The following SIRT3 variants were observed in gnomAD, a reference collection of about 807,000 sequenced individuals.
The protein encoded by SIRT3 is sirtuin 3.
In SIRT3, 26 loss-of-function variants were observed where a neutral mutation model predicts 33.5. The observed-to-expected ratio is 0.78, with a 90% CI of 0.57 to 1.08. The LOEUF (loss-of-function observed/expected upper bound fraction) is 1.08, where lower values mean the gene tolerates loss of function less well. Among genes scored for constraint, SIRT3 ranks in the 50% least tolerant of loss-of-function variants. The pLI is 0.00. For synonymous variants in SIRT3, 237 were observed against 222.1 expected (o/e 1.07, Z -0.60); for missense variants, 585 against 530.1 (o/e 1.10, Z -1.02).
chr11:224,634 A>G (rs184134900), intron 4 of SIRT3, among the ~76,000 whole-genome samples: 2 of 152,286 alleles, frequency 1.3e-5, no homozygotes, highest in Admixed American at 6.5e-5. Context: ...TACACCGAAC[A>G]CTATTCAGTC....
intron 4 of SIRT3, among the ~76,000 whole-genome samples, chr11:229,261 C>T (rs561809818): frequency 6.9e-6 from 1 of 144,186 alleles, no homozygotes; most frequent in Admixed American, 7.2e-5. Flanking sequence ...GACATCCTGG[C>T]CAACATGGTG....
At chr11:224,337 CA>C (rs1425878072) in intron 4 of SIRT3, 98 bp from the exon 5 acceptor site, 8 of 1,321,742 alleles carry the variant, frequency 6.1e-6, no homozygotes, top group Admixed American at 2.5e-5. Flanking sequence ...CATTCTCCCC[CA>C]AAAAAGGTGA....
upstream of SIRT3, chr11:236,392 G>T: frequency 3.5e-5 from 5 of 144,788 alleles, no homozygotes; most frequent in Non-Finnish European, 3.3e-5. Context: ...CCCCGCCTCC[G>T]CCTCCCACCC....
intron 5 of SIRT3, among the ~76,000 whole-genome samples, chr11:221,760 A>G (rs915563599): frequency 2.0e-5 from 3 of 152,234 alleles, no homozygotes; most frequent in Non-Finnish European, 4.4e-5. Context: ...CGTGTAAGGG[A>G]AACTGTTGGC....
chr11:219,012 G>A lies in SIRT3; in HGVS notation c.999C>T (p.Ala333=), dbSNP rs376721867. 48 of 1,613,692 alleles carry A rather than the reference G, an allele frequency of 3.0e-5. No homozygotes were observed. Among genetic ancestry groups the A allele is most frequent in the Middle Eastern group, 3.4e-4 (2 of 5,950 alleles). The change falls in exon 6 of 7, where the codon GCC becomes GCT. Residue 333 remains alanine, a synonymous_variant. Transcript: ENST00000382743. ...GCAGTCGGGGAACTGAGCTCCGCACGGCCTCGGTCAAGCTGGCAAAAGGCT... is the reference window on the plus strand; with the variant it reads ...GCAGTCGGGGAACTGAGCTCCGCACAGCCTCGGTCAAGCTGGCAAAAGGCT... ...EVEPFASLTE[A]VRSSVPRLLI...
chr11:220,941 T>A (rs1419510835), intron 5 of SIRT3, among the ~76,000 whole-genome samples: 1 of 103,680 alleles, frequency 9.6e-6, no homozygotes, highest in African/African-American at 5.0e-5. Context: ...CCTTCAGGAG[T>A]ACTTGCATGG....
Position 224,091 on chromosome 11 carries a change from C to A in SIRT3, c.956G>T (p.Gly319Val). 4 of 1,614,176 alleles carry A rather than the reference C, an allele frequency of 2.5e-6. No individual in the cohort carries two copies. The South Asian group carries it at 4.4e-5, about 18-fold the overall frequency. Residue 319 changes from glycine to valine, a missense_variant, in exon 5 of 7, where the codon GGG becomes GTG. Coordinates refer to ENST00000382743, the MANE Select transcript of SIRT3 (RefSeq NM_012239.6). ...CTGCTGACAAACCTCCAGGGAGGTC[C>A]CAAGGATGAGCAGCAGATCTGCCAT... Reference protein sequence around the residue: ...FPMADLLLILGTSLEVEPFAS... With the variant: ...FPMADLLLILVTSLEVEPFAS...
At position 215,923 on chromosome 11, in the gene SIRT3, G is replaced by A. The variant is rs989966713; in HGVS notation, c.*775C>T. 2.6e-5 allele frequency: 4 copies of A among 152,244 alleles called. No individual in the cohort carries two copies. The highest frequency in any genetic ancestry group is 9.7e-5 in the African/African-American group (4 of 41,404). 9.4% of individuals were successfully genotyped at this position (152,244 alleles called of 1,614,324 possible). On this transcript the variant is annotated 3_prime_UTR_variant, in exon 7 of 7. Transcript: ENST00000382743. The stretch of plus-strand genomic sequence containing the variant: ...GGGGGCGTAGTGTGGGGACAAGGAG[G>A]CCAGATAGAAAGTGCTGGAATGTTC...
intron 1 of SIRT3, among the ~76,000 whole-genome samples, chr11:235,703 CACA>C (rs1433673630): frequency 5.9e-5 from 9 of 152,150 alleles, no homozygotes; most frequent in African/African-American, 1.2e-4. Flanking sequence ...GTATTAACCG[CACA>C]ACATTTATGA....
intron 1 of SIRT3, 69 bp from the exon 2 acceptor site, chr11:233,603 TG>T (rs1446783491): frequency 9.9e-6 from 15 of 1,521,708 alleles, no homozygotes; most frequent in Non-Finnish European, 1.3e-5. Context: ...AGAACGAGCA[TG>T]GCTCTGCCCT....
Position 218,994 on chromosome 11 carries a change from G to A in SIRT3, c.1017C>T (p.Pro339=). 6.2e-7 allele frequency: 1 copy of A among 1,614,146 alleles called. No individual in the cohort carries two copies. The highest frequency in any genetic ancestry group is 2.2e-5 in the East Asian group (1 of 44,880). Residue 339 remains proline (P), a synonymous_variant, in exon 6 of 7, where the codon CCC becomes CCT. Coordinates refer to ENST00000382743, the MANE Select transcript of SIRT3 (RefSeq NM_012239.6). ...CCAAGTCCCGGTTGATGAGCAGTCG[G>A]GGAACTGAGCTCCGCACGGCCTCGG... The part of the protein sequence containing the change: ...SLTEAVRSSV[P]RLLINRDLVG...
At chr11:224,630 G>A (rs1446374951) in intron 4 of SIRT3, among the ~76,000 whole-genome samples, 6 of 152,274 alleles carry the variant, frequency 3.9e-5, no homozygotes, top group South Asian at 4.1e-4. Flanking sequence ...GGCCTACACC[G>A]AACACTATTC....
At position 236,333 on chromosome 11, in the gene SIRT3, C is replaced by G. The variant is rs865835019; in HGVS notation, c.-5G>C. On this transcript the variant is annotated 5_prime_UTR_variant, in exon 1 of 7. Coordinates refer to ENST00000382743, the MANE Select transcript of SIRT3 (RefSeq NM_012239.6). ...GCGCCAACCCCAGAACGCCATGTTCCGCGCAGTCCAAGGAGTCCTCCGGAC... is the reference window on the plus strand; with the variant it reads ...GCGCCAACCCCAGAACGCCATGTTCGGCGCAGTCCAAGGAGTCCTCCGGAC... 1.4e-6 allele frequency: 2 copies of G among 1,459,406 alleles called. No homozygotes were observed. The highest frequency in any genetic ancestry group is 1.8e-6 in the Non-Finnish European group (2 of 1,111,842). 90.4% of individuals were successfully genotyped at this position (1,459,406 alleles called of 1,614,324 possible).
intron 6 of SIRT3, among the ~76,000 whole-genome samples, chr11:216,978 A>G (rs1590086719): frequency 1.3e-5 from 2 of 152,402 alleles, no homozygotes; most frequent in East Asian, 1.9e-4. Flanking sequence ...TGTGCTTAAA[A>G]GCATTCACTA....
At chr11:221,372 G>T (rs571952) in intron 5 of SIRT3, among the ~76,000 whole-genome samples, 3 of 152,188 alleles carry the variant, frequency 2.0e-5, no homozygotes, top group African/African-American at 7.2e-5. Flanking sequence ...TGGCCTCCCA[G>T]AGTGCTGGGA....
intron 1 of SIRT3, among the ~76,000 whole-genome samples, chr11:234,525 C>T (rs1858634805): frequency 6.6e-6 from 1 of 152,152 alleles, no homozygotes; most frequent in Non-Finnish European, 1.5e-5. Flanking sequence ...CGCCATTCTC[C>T]TGCCTCAGCC....
chr11:231,259 T>C (rs899951431), intron 3 of SIRT3, among the ~76,000 whole-genome samples: 10 of 152,212 alleles, frequency 6.6e-5, no homozygotes, highest in Non-Finnish European at 2.9e-5. Flanking sequence ...AGCAACATAG[T>C]GAGACTTGTC....
chr11:227,848 C>T (rs1452404894), intron 4 of SIRT3, among the ~76,000 whole-genome samples: 2 of 152,266 alleles, frequency 1.3e-5, no homozygotes, highest in Admixed American at 1.3e-4. Context: ...TCTCAAGCTT[C>T]CCACCTCAGG....
At chr11:233,845 C>T (rs993008401) in intron 1 of SIRT3, 1 of 242,952 alleles carries the variant, frequency 4.1e-6, no homozygotes, top group Non-Finnish European at 8.0e-6. Flanking sequence ...AAGGGGTCTC[C>T]TAATGAAAAC....
Sources: allele counts gnomAD v4.1 joint callset (sites outside exome capture counted in the v4.1 genomes callset), GRCh38; gene constraint gnomAD v4.1.1; transcripts MANE v1.5; gene names NCBI Gene and HGNC (gene_info 2026-07-23, HGNC 2026-07-21).